The following IGF1R variants were observed in gnomAD, a reference collection of about 807,000 sequenced individuals.
IGF1R encodes insulin-like growth factor 1 receptor.
A neutral mutation model predicts 144.6 loss-of-function variants in IGF1R; 44 were observed. That is an observed-to-expected ratio of 0.30 (90% CI 0.24 to 0.39). The LOEUF (loss-of-function observed/expected upper bound fraction) is 0.39. IGF1R is among the 10% of genes least tolerant of loss of function. The probability of loss-of-function intolerance (pLI) is 1.00; values close to 1 mark genes in which losing one functional copy is unlikely to be tolerated. For synonymous variants in IGF1R, 795 were observed against 722.8 expected (o/e 1.10, Z -1.60); for missense variants, 1,355 against 1,833.7 (o/e 0.74, Z 4.77).
chr15:98,765,460 C>T (rs115776189), intron 2 of IGF1R, among the ~76,000 whole-genome samples: 2 of 151,778 alleles, frequency 1.3e-5, no homozygotes, highest in Non-Finnish European at 2.9e-5. Flanking sequence ...AGGTGTGAGC[C>T]ACCACACCTG....
rs2013998795 is a variant in IGF1R, at chr15:98,892,897, G to T, written c.953+1260G>T. Among the ~76,000 whole-genome samples, 3 of 152,174 alleles carry T rather than the reference G, an allele frequency of 2.0e-5. No individual in the cohort carries two copies. The South Asian group carries it at 6.2e-4, about 32-fold the overall frequency. ...TTTGGCTTGGTGGCACACACCTGTA[G>T]TCTCAGCTCCTTGGGAGTTGCAAGT... On this transcript the variant is annotated intron_variant, in intron 3 of 20. Transcript: ENST00000650285.
rs75290550 is a variant in IGF1R at position 98,713,130 on chromosome 15, G to A, written c.640+5023G>A. The stretch of plus-strand genomic sequence containing the variant: ...ACCAGCCGGCACGGCTCACCTGGCC[G>A]AACTCTAGCCTTGCCTTTTCCTCTC... On this transcript the variant is annotated intron_variant, in intron 2 of 20. Transcript: ENST00000650285. 2.6e-3 allele frequency among the ~76,000 whole-genome samples: 391 copies of A among 151,934 alleles called. 2 individuals carry two copies. The highest frequency in any genetic ancestry group is 9.0e-3 in the African/African-American group (374 of 41,404).
At chr15:98,821,219 T>C (rs1331758793) in intron 2 of IGF1R, among the ~76,000 whole-genome samples, 2 of 152,138 alleles carry the variant, frequency 1.3e-5, no homozygotes, top group Non-Finnish European at 2.9e-5. Context: ...AAATGGCCTG[T>C]GCGCTTCTGG....
intron 2 of IGF1R, among the ~76,000 whole-genome samples, chr15:98,754,948 C>T (rs560341360): frequency 6.6e-6 from 1 of 152,232 alleles, no homozygotes; most frequent in Admixed American, 6.5e-5. Context: ...AATTTCTTTT[C>T]TAAATATTGT....
In IGF1R at chr15:98,957,435, CCTG is replaced by C. The variant is rs759953504; in HGVS notation, c.4101_4103del (p.Cys1367del). 1 of 1,613,032 alleles carries C rather than the reference CCTG, an allele frequency of 6.2e-7. No homozygotes were observed. Among genetic ancestry groups the C allele is most frequent in the Admixed American group, 1.7e-5 (1 of 60,038 alleles). On this transcript the variant is annotated inframe_deletion, in exon 21 of 21. Coordinates refer to ENST00000650285, the MANE Select transcript of IGF1R (RefSeq NM_000875.5). Reference sequence around the variant, plus strand: ...GCCTTGCCGCTGCCCCAGTCTTCGACCTGCTGATCCTTGGATCCTGAATCTGTG... The same window carrying C: ...GCCTTGCCGCTGCCCCAGTCTTCGACCTGATCCTTGGATCCTGAATCTGTG...
intron 2 of IGF1R, among the ~76,000 whole-genome samples, chr15:98,708,605 C>T (rs920719175): frequency 4.6e-5 from 7 of 152,192 alleles, no homozygotes; most frequent in African/African-American, 1.7e-4. Context: ...AAAGCACTAA[C>T]TCATATCCTG....
chr15:98,728,016 T>TC (rs1303014185), intron 2 of IGF1R, among the ~76,000 whole-genome samples: 1 of 149,740 alleles, frequency 6.7e-6, no homozygotes, highest in African/African-American at 2.4e-5. Flanking sequence ...TGTTTTTTTT[T>TC]TTTTTTTTTT....
chr15:98,689,160 AT>A (rs1321946114), intron 1 of IGF1R, among the ~76,000 whole-genome samples: 2 of 147,928 alleles, frequency 1.4e-5, no homozygotes, highest in South Asian at 2.2e-4. Flanking sequence ...TATCTTGCAG[AT>A]TTTTTTTGGT....
chr15:98,711,083 C>T (rs947966540), intron 2 of IGF1R, among the ~76,000 whole-genome samples: 1 of 152,176 alleles, frequency 6.6e-6, no homozygotes, highest in Non-Finnish European at 1.5e-5. Flanking sequence ...TTCTTCCCCT[C>T]ATCATCTTTT....
chr15:98,832,653 A>G (rs1260929840), intron 2 of IGF1R, among the ~76,000 whole-genome samples: 1 of 152,180 alleles, frequency 6.6e-6, no homozygotes, highest in African/African-American at 2.4e-5. Context: ...AAACAAATTT[A>G]AGTTAGGTGG....
At chr15:98,897,923 A>ATTTT (rs5814911) in intron 4 of IGF1R, among the ~76,000 whole-genome samples, 2 of 146,402 alleles carry the variant, frequency 1.4e-5, no homozygotes, top group African/African-American at 5.0e-5. Flanking sequence ...TTTATGAAGA[A>ATTTT]TTTTTTTTTT....
At chr15:98,780,321 C>T (rs375087976) in intron 2 of IGF1R, among the ~76,000 whole-genome samples, 3 of 151,644 alleles carry the variant, frequency 2.0e-5, no homozygotes, top group East Asian at 1.9e-4. Context: ...GAGGCTGAGG[C>T]GGGTGGATCA....
Position 98,935,226 on chromosome 15 carries a change from C to T in IGF1R, c.3187-90C>T. 9.9e-7 allele frequency: 1 copy of T among 1,008,494 alleles called. No individual in the cohort carries two copies. Among genetic ancestry groups the T allele is most frequent in the Non-Finnish European group, 1.5e-6 (1 of 652,396 alleles). The allele number at this position is 1,008,494 out of a possible 1,614,324, so 62.5% of individuals were successfully genotyped here. A position where few individuals can be genotyped will look rare whatever the true frequency, so the allele number is the denominator to read the frequency against. ...TTCAGACCCCTGTGCTCAGACCAGG[C>T]CGCAGCACCACAGAGACAGTTCCAG... On this transcript the variant is annotated intron_variant, in intron 16 of 20. Transcript: ENST00000650285. The surrounding 1 kb of genome is among the most constrained non-coding windows in gnomAD (Gnocchi z 4.2).
At chr15:98,814,141 T>C (rs1311626560) in intron 2 of IGF1R, among the ~76,000 whole-genome samples, 1 of 152,202 alleles carries the variant, frequency 6.6e-6, no homozygotes, top group South Asian at 2.1e-4. Flanking sequence ...TAACCATACA[T>C]AGCAAATGGA....
intron 2 of IGF1R, among the ~76,000 whole-genome samples, chr15:98,710,121 C>T (rs560019883): frequency 1.8e-4 from 28 of 152,286 alleles, no homozygotes; most frequent in African/African-American, 6.0e-4. Context: ...AAAATGTTAA[C>T]GATGGTTAGA....
chr15:98,749,887 CT>C (rs57470280), intron 2 of IGF1R, among the ~76,000 whole-genome samples: 18,711 of 138,012 alleles, frequency 0.14, 3,189 homozygotes, highest in African/African-American at 0.42. Context: ...TATTTTTAGG[CT>C]TTTTTTTTTT....
At chr15:98,754,915 T>A (rs2055110969) in intron 2 of IGF1R, among the ~76,000 whole-genome samples, 2 of 152,156 alleles carry the variant, frequency 1.3e-5, no homozygotes, top group African/African-American at 4.8e-5. Context: ...CCTTCCTACC[T>A]TCCCAAGAAA....
intron 2 of IGF1R, among the ~76,000 whole-genome samples, chr15:98,723,075 CGAGA>C (rs1325838786): frequency 6.6e-6 from 1 of 151,890 alleles, no homozygotes; most frequent in Non-Finnish European, 1.5e-5. Flanking sequence ...CCGTGGCCAC[CGAGA>C]GAGAGTTTTA....
intron 2 of IGF1R, among the ~76,000 whole-genome samples, chr15:98,726,725 T>C (rs977805427): frequency 6.8e-6 from 1 of 147,930 alleles, no homozygotes; most frequent in South Asian, 2.2e-4. Flanking sequence ...TTTTTTTTTT[T>C]TTTTTTTTTT....
Sources: allele counts gnomAD v4.1 joint callset (sites outside exome capture counted in the v4.1 genomes callset), GRCh38; gene constraint gnomAD v4.1.1; non-coding constraint Gnocchi (gnomAD v3.1); transcripts MANE v1.5; gene names NCBI Gene and HGNC (gene_info 2026-07-23, HGNC 2026-07-21).